The following CDH4 variants were observed in gnomAD, a reference collection of about 807,000 sequenced individuals.
The protein encoded by CDH4 is cadherin 4.
In CDH4, 33 loss-of-function variants were observed where a neutral mutation model predicts 86.0. That is an observed-to-expected ratio of 0.38 (90% CI 0.29 to 0.51). The LOEUF (loss-of-function observed/expected upper bound fraction) is 0.51. Among genes scored for constraint, CDH4 ranks in the 20% least tolerant of loss-of-function variants. CDH4 has a pLI of 0.86. For missense variants in CDH4, 1,114 were observed against 1,307.4 expected (o/e 0.85, Z 2.28); for synonymous variants, 555 against 549.4 (o/e 1.01, Z -0.14).
chr20:61,265,132 T>C (rs2084150382), intron 2 of CDH4, among the ~76,000 whole-genome samples: 1 of 150,680 alleles, frequency 6.6e-6, no homozygotes, highest in Non-Finnish European at 1.5e-5. Flanking sequence ...GGCTCCTTCA[T>C]TCAGTCCTAC....
chr20:61,608,535 G>A (rs559456556), intron 2 of CDH4, among the ~76,000 whole-genome samples: 16 of 152,348 alleles, frequency 1.1e-4, no homozygotes, highest in African/African-American at 3.4e-4. Flanking sequence ...CCCACTGGGC[G>A]TTAAGGACTG....
intron 2 of CDH4, among the ~76,000 whole-genome samples, chr20:61,702,270 G>A (rs532927389): frequency 6.6e-6 from 1 of 152,192 alleles, no homozygotes; most frequent in Non-Finnish European, 1.5e-5. Flanking sequence ...ACACAAAGAC[G>A]GCAAAATAAG....
chr20:61,482,126 C>A (rs2085571622), intron 2 of CDH4, among the ~76,000 whole-genome samples: 1 of 152,158 alleles, frequency 6.6e-6, no homozygotes. Context: ...ACGTATTATT[C>A]AAGTTGCTGA....
At chr20:61,315,008 A>G (rs1235205398) in intron 2 of CDH4, among the ~76,000 whole-genome samples, 1 of 151,954 alleles carries the variant, frequency 6.6e-6, no homozygotes, top group Admixed American at 6.6e-5. Context: ...TGCATTCCTT[A>G]TGTATTTTGG....
intron 4 of CDH4, among the ~76,000 whole-genome samples, chr20:61,779,949 G>A (rs1323257801): frequency 2.0e-5 from 3 of 152,322 alleles, no homozygotes; most frequent in East Asian, 1.9e-4. Context: ...TAATTAGCAC[G>A]GAGTCCACCT....
At chr20:61,546,662 T>G (rs1393138608) in intron 2 of CDH4, among the ~76,000 whole-genome samples, 1 of 151,962 alleles carries the variant, frequency 6.6e-6, no homozygotes, top group Middle Eastern at 3.2e-3. Flanking sequence ...GTGTGTGGTT[T>G]ACATGCTGCC....
intron 7 of CDH4, among the ~76,000 whole-genome samples, chr20:61,894,574 A>G (rs2122869382): frequency 6.6e-6 from 1 of 152,082 alleles, no homozygotes; most frequent in African/African-American, 2.4e-5. Flanking sequence ...ACCGAATGCA[A>G]CCCCAGTGCC....
At chr20:61,565,092 T>TGGTGGTGGTGGTGGTGGTGGTGG (rs747308048) in intron 2 of CDH4, among the ~76,000 whole-genome samples, 9 of 63,862 alleles carry the variant, frequency 1.4e-4, no homozygotes, top group Non-Finnish European at 1.8e-4. Context: ...GGTGGTGCTC[T>TGGTGGTGGTGGTGGTGGTGGTGG]TGGTGGTGCT....
chr20:61,854,306 G>A (rs983364543), intron 6 of CDH4, among the ~76,000 whole-genome samples: 9 of 152,204 alleles, frequency 5.9e-5, no homozygotes, highest in Non-Finnish European at 1.3e-4. Flanking sequence ...ACACCTGCTC[G>A]TGGAGGTGGC....
At chr20:61,539,462 C>G (rs531011985) in intron 2 of CDH4, among the ~76,000 whole-genome samples, 1 of 152,208 alleles carries the variant, frequency 6.6e-6, no homozygotes, top group Admixed American at 6.5e-5. Context: ...TGTGTCCTCA[C>G]GGAGTCGTCC....
At chr20:61,620,174 A>ATGGATGGATGGATGGATGGATGGACGGC (rs1413346289) in intron 2 of CDH4, among the ~76,000 whole-genome samples, 1 of 57,952 alleles carries the variant, frequency 1.7e-5, no homozygotes. Context: ...GGATGGATGG[A>ATGGATGGATGGATGGATGGATGGACGGC]TGGGTGGGTG....
chr20:61,491,632 T>C (rs895480554), intron 2 of CDH4, among the ~76,000 whole-genome samples: 1 of 152,252 alleles, frequency 6.6e-6, no homozygotes, highest in Non-Finnish European at 1.5e-5. Flanking sequence ...CTCTGTTGTT[T>C]TGGCCCCATG....
At chr20:61,310,469 G>A (rs543754600) in intron 2 of CDH4, among the ~76,000 whole-genome samples, 12 of 152,138 alleles carry the variant, frequency 7.9e-5, no homozygotes, top group Non-Finnish European at 1.8e-4. Flanking sequence ...CATAAGGAGC[G>A]TGCACCTTGG....
chr20:61,534,882 T>TGGGTC (rs1568881968), intron 2 of CDH4, among the ~76,000 whole-genome samples: 1 of 147,158 alleles, frequency 6.8e-6, no homozygotes, highest in African/African-American at 2.5e-5. Context: ...CTGCTCATCC[T>TGGGTC]CAACCCGATG....
chr20:61,536,972 C>G (rs578119069), intron 2 of CDH4, among the ~76,000 whole-genome samples: 1 of 152,266 alleles, frequency 6.6e-6, no homozygotes, highest in Non-Finnish European at 1.5e-5. Context: ...GTGTCTGGCT[C>G]AAGACGGATG....
At position 61,252,624 on chromosome 20, in the gene CDH4, C is replaced by T; in HGVS notation, c.57+54C>T. Reference sequence around the variant, plus strand: ...TCGGAAGCCCCGGGCAGCGGGAGGTCGTCCCCGGATCCCGCGGGGCGCTCA... The same window carrying T: ...TCGGAAGCCCCGGGCAGCGGGAGGTTGTCCCCGGATCCCGCGGGGCGCTCA... On this transcript the variant is annotated intron_variant, in intron 1 of 15. Coordinates refer to ENST00000614565, the MANE Select transcript of CDH4 (RefSeq NM_001794.5). This position sits in a 1 kb window ranked among gnomAD's most constrained non-coding sequence, Gnocchi z 4.4. 1.8e-6 allele frequency: 2 copies of T among 1,093,824 alleles called. No homozygotes were observed. The highest frequency in any genetic ancestry group is 2.3e-6 in the Non-Finnish European group (2 of 872,150). 67.8% of individuals were successfully genotyped at this position (1,093,824 alleles called of 1,614,324 possible).
intron 2 of CDH4, among the ~76,000 whole-genome samples, chr20:61,371,322 C>T (rs1004095023): frequency 7.9e-5 from 12 of 152,208 alleles, no homozygotes; most frequent in Non-Finnish European, 1.2e-4. Flanking sequence ...AGACCCCCTT[C>T]GGGCTCTGAG....
chr20:61,480,283 G>A lies in CDH4; in HGVS notation c.169+225346G>A, dbSNP rs1231237789. Among the ~76,000 whole-genome samples, 2 of 152,092 alleles carry A rather than the reference G, an allele frequency of 1.3e-5. No homozygotes were observed. Among genetic ancestry groups the A allele is most frequent in the Non-Finnish European group, 2.9e-5 (2 of 67,994 alleles). On this transcript the variant is annotated intron_variant, in intron 2 of 15. Coordinates refer to ENST00000614565, the MANE Select transcript of CDH4 (RefSeq NM_001794.5). The surrounding 1 kb of genome is among the most constrained non-coding windows in gnomAD (Gnocchi z 5.2). ...CTGGAAACTCCCCAAGCGGAAGCCG[G>A]GGCAGCTGTGGCGCCCCCTGGCTGT...
chr20:61,351,634 G>A (rs76979527), intron 2 of CDH4, among the ~76,000 whole-genome samples: 1,958 of 152,204 alleles, frequency 0.013, 17 homozygotes, highest in Middle Eastern at 0.058. Context: ...ATCATATCAG[G>A]GCAATGGGAT....
Sources: allele counts gnomAD v4.1 joint callset (sites outside exome capture counted in the v4.1 genomes callset), GRCh38; gene constraint gnomAD v4.1.1; non-coding constraint Gnocchi (gnomAD v3.1); transcripts MANE v1.5; gene names NCBI Gene and HGNC (gene_info 2026-07-23, HGNC 2026-07-21).